The following ABR variants were observed in gnomAD, a reference collection of about 807,000 sequenced individuals.
ABR encodes the protein active breakpoint cluster region-related protein.
In ABR, 35 loss-of-function variants were observed where a neutral mutation model predicts 107.2. The ratio of observed to expected loss-of-function variants is 0.33; its 90% CI spans 0.25 to 0.43. The LOEUF (loss-of-function observed/expected upper bound fraction) is 0.43, where lower values mean the gene tolerates loss of function less well. Among genes scored for constraint, ABR ranks in the 20% least tolerant of loss-of-function variants. The pLI is 1.00. For synonymous variants in ABR, 498 were observed against 462.0 expected, an observed-to-expected ratio of 1.08 and a Z score of -1.00; for missense variants, 815 against 1,115.2, an observed-to-expected ratio of 0.73 and a Z score of 3.83.
intron 16 of ABR, among the ~76,000 whole-genome samples, chr17:1,049,230 C>T (rs908285313): frequency 6.6e-6 from 1 of 152,178 alleles, no homozygotes; most frequent in East Asian, 1.9e-4. Context: ...CACCCAGGCG[C>T]GATCTCAGCT....
At chr17:1,168,847 T>C (rs1004606959) in intron 1 of ABR, among the ~76,000 whole-genome samples, 1 of 152,244 alleles carries the variant, frequency 6.6e-6, no homozygotes, top group Non-Finnish European at 1.5e-5. Flanking sequence ...AATCAGCTCC[T>C]GCCTTTGGTT....
chr17:1,214,381 G>A (rs1398291963), intron 1 of ABR, among the ~76,000 whole-genome samples: 1 of 152,070 alleles, frequency 6.6e-6, no homozygotes, highest in African/African-American at 2.4e-5. Flanking sequence ...CACCACCCCA[G>A]GGATGACTTA....
intron 22 of ABR, among the ~76,000 whole-genome samples, 189 bp from the exon 23 acceptor site, chr17:1,006,358 G>A (rs1461129499): frequency 6.6e-6 from 1 of 152,198 alleles, no homozygotes; most frequent in Non-Finnish European, 1.5e-5. Flanking sequence ...GGGGCCTAGG[G>A]CCACTTCCCC....
rs1310698819 is a variant in ABR at position 1,195,264 on chromosome 17, G to A, written c.838+33529C>T. Among the ~76,000 whole-genome samples the A allele has an allele frequency of 1.2e-4, 15 of 122,434 alleles. 1 individual carries two copies. Among genetic ancestry groups the A allele is most frequent in the Admixed American group, 3.3e-4 (3 of 9,130 alleles). 80.3% of individuals were successfully genotyped at this position (122,434 alleles called of 152,430 possible). On this transcript the variant is annotated intron_variant, in intron 1 of 22. Coordinates refer to the ABR transcript ENST00000574139. ...GGAGCTTGCAGTGAGCGGAGATCGC[G>A]CCACAGCACTCCAGCCTGGGCGACA...
chr17:1,090,849 T>A (rs1487229491), intron 4 of ABR, among the ~76,000 whole-genome samples: 3 of 152,170 alleles, frequency 2.0e-5, no homozygotes, highest in African/African-American at 7.2e-5. Flanking sequence ...CCAGTCTCCC[T>A]CTTGCCTGCT....
intron 2 of ABR, among the ~76,000 whole-genome samples, chr17:1,108,265 G>A (rs552049746): frequency 1.7e-4 from 26 of 152,222 alleles, no homozygotes; most frequent in Non-Finnish European, 3.5e-4. Flanking sequence ...GGGCCGCCCC[G>A]CTCCTCAAGG....
chr17:1,108,891 C>A, intron 2 of ABR: 1 of 1,541,606 alleles, frequency 6.5e-7, no homozygotes, highest in East Asian at 2.6e-5. Flanking sequence ...TCGGCAGCGC[C>A]GGCCCGGCCC....
At chr17:1,132,165 C>T (rs1472690762) in intron 1 of ABR, among the ~76,000 whole-genome samples, 1 of 151,988 alleles carries the variant, frequency 6.6e-6, no homozygotes, top group Non-Finnish European at 1.5e-5. Context: ...AGTTTGAGAC[C>T]AGCCTGGCCA....
rs565395158 is a variant in ABR at position 1,214,084 on chromosome 17, A to T, written c.838+14709T>A. 2.6e-5 allele frequency among the ~76,000 whole-genome samples: 4 copies of T among 151,954 alleles called. No homozygotes were observed. In the South Asian group the frequency reaches 8.3e-4, roughly 32 times the overall value. Reference sequence around the variant, plus strand: ...GTATTTTTAGTAGAGAAGAGGTTTCATCATGTTGGTCAGGCTGGTCTCGAA... The same window carrying T: ...GTATTTTTAGTAGAGAAGAGGTTTCTTCATGTTGGTCAGGCTGGTCTCGAA... On this transcript the variant is annotated intron_variant, in intron 1 of 22. Transcript: ENST00000574139.
intron 2 of ABR, among the ~76,000 whole-genome samples, chr17:1,114,466 T>C (rs970208255): frequency 2.0e-4 from 24 of 122,040 alleles, no homozygotes; most frequent in African/African-American, 7.6e-4. Flanking sequence ...CAAGACTCTG[T>C]CTCAAAAAAA....
At chr17:1,130,475 G>A (rs2039777788) in intron 1 of ABR, among the ~76,000 whole-genome samples, 1 of 151,792 alleles carries the variant, frequency 6.6e-6, no homozygotes, top group South Asian at 2.1e-4. Context: ...CATTCACTTA[G>A]GGACACAGCC....
chr17:1,212,345 C>T (rs9909688), intron 1 of ABR, among the ~76,000 whole-genome samples: 48,907 of 151,752 alleles, frequency 0.32, 8,939 homozygotes, highest in East Asian at 0.69. Context: ...GTGGGAGGCT[C>T]GCTTGAGCAC....
chr17:1,142,960 AAGCTCACTCCTGGGGGAC>A (rs1567819168), intron 1 of ABR, among the ~76,000 whole-genome samples: 1 of 146,594 alleles, frequency 6.8e-6, no homozygotes, highest in East Asian at 2.1e-4. Context: ...TCCTGGGAGG[AAGCTCACTCCTGGGGGAC>A]AGCTCGCTCC....
chr17:1,020,557 C>CG (rs1458555153), intron 16 of ABR, among the ~76,000 whole-genome samples: 3 of 152,172 alleles, frequency 2.0e-5, no homozygotes, highest in African/African-American at 7.2e-5. Context: ...CCGTCACCTC[C>CG]GAGGGAGCAG....
In ABR at chr17:1,043,819, T is replaced by C. The variant is rs184513684; in HGVS notation, c.1791+6231A>G. 4.9e-3 allele frequency among the ~76,000 whole-genome samples: 741 copies of C among 152,318 alleles called. 10 individuals are homozygous for C. Among genetic ancestry groups the C allele is most frequent in the African/African-American group, 0.017 (711 of 41,582 alleles). ...TGGCAGGCACGTGGGGAAGTGGAGCTGCCTCCCAGGCACAGGGAGCAGAGG... is the reference window on the plus strand; with the variant it reads ...TGGCAGGCACGTGGGGAAGTGGAGCCGCCTCCCAGGCACAGGGAGCAGAGG... On this transcript the variant is annotated intron_variant, in intron 16 of 22. Transcript: ENST00000302538.
chr17:1,124,037 G>GGCCTCT (rs1287821961), intron 2 of ABR, among the ~76,000 whole-genome samples: 1 of 152,116 alleles, frequency 6.6e-6, no homozygotes, highest in Non-Finnish European at 1.5e-5. Context: ...ACTCGGCCTC[G>GGCCTCT]GCCTCTGTTG....
At position 1,215,768 on chromosome 17, in the gene ABR, G is replaced by T. The variant is rs148890017; in HGVS notation, c.838+13025C>A. On this transcript the variant is annotated intron_variant, in intron 1 of 22. Transcript: ENST00000574139. ...ATGTGGGGAAAAGAAGGAGAAATCGGATTGTTGCTGTGTCTGTGTAGAAAG... is the reference window on the plus strand; with the variant it reads ...ATGTGGGGAAAAGAAGGAGAAATCGTATTGTTGCTGTGTCTGTGTAGAAAG... Among the ~76,000 whole-genome samples the T allele has an allele frequency of 8.8e-3, 1,337 of 152,258 alleles. 16 individuals are homozygous for T. The highest frequency in any genetic ancestry group is 0.021 in the African/African-American group (870 of 41,538).
At chr17:1,215,722 T>A (rs1003924756) in intron 1 of ABR, among the ~76,000 whole-genome samples, 1 of 152,072 alleles carries the variant, frequency 6.6e-6, no homozygotes, top group Non-Finnish European at 1.5e-5. Flanking sequence ...ATGGCGGTTT[T>A]GTCGAATAGA....
At chr17:1,094,195 C>G (rs1390208123) in intron 3 of ABR, among the ~76,000 whole-genome samples, 1 of 152,208 alleles carries the variant, frequency 6.6e-6, no homozygotes, top group Admixed American at 6.5e-5. Context: ...TGGGGTTCCA[C>G]CTGGTGCAGG....
Sources: gnomAD v4.1 joint callset for allele counts (sites outside exome capture counted in the v4.1 genomes callset) on GRCh38, gnomAD v4.1.1 for gene constraint, MANE v1.5 for transcripts, NCBI Gene and HGNC (gene_info 2026-07-23, HGNC 2026-07-21) for gene names.